CAPZB: variants seen among roughly 807,000 people sequenced by gnomAD.
CAPZB encodes the protein capping actin protein of muscle Z-line subunit beta, also known as F-actin-capping protein subunit beta.
Under a neutral mutation model 38.1 loss-of-function variants are expected in CAPZB, and 2 were observed. That is an observed-to-expected ratio of 0.05 (90% CI 0.02 to 0.17). CAPZB has a LOEUF of 0.17. Among genes scored for constraint, CAPZB ranks in the 10% least tolerant of loss-of-function variants. CAPZB has a pLI of 1.00. For synonymous variants in CAPZB, 107 were observed against 127.4 expected (o/e 0.84, Z 1.08); for missense variants, 161 against 334.2 (o/e 0.48, Z 4.04).
At chr1:19,407,461 T>C (rs1178910924) in intron 2 of CAPZB, among the ~76,000 whole-genome samples, 1 of 151,804 alleles carries the variant, frequency 6.6e-6, no homozygotes, top group Non-Finnish European at 1.5e-5. Flanking sequence ...GGGGGGAGAC[T>C]AGAGATGTAG....
chr1:19,474,029 T>C (rs1431169296), intron 1 of CAPZB, among the ~76,000 whole-genome samples: 4 of 151,904 alleles, frequency 2.6e-5, no homozygotes, highest in African/African-American at 7.2e-5. Flanking sequence ...AGGGTCTCAC[T>C]CCATCACCCA....
chr1:19,448,222 C>T (rs1210030942), intron 1 of CAPZB, among the ~76,000 whole-genome samples: 6 of 152,278 alleles, frequency 3.9e-5, no homozygotes. Flanking sequence ...CAAATACCCG[C>T]TTCTCTCCAG....
At chr1:19,360,250 G>A (rs1251586918) in intron 4 of CAPZB, among the ~76,000 whole-genome samples, 1 of 152,218 alleles carries the variant, frequency 6.6e-6, no homozygotes, top group Non-Finnish European at 1.5e-5. Context: ...GTTGGCAACA[G>A]ATGGCTTGGT....
intron 2 of CAPZB, among the ~76,000 whole-genome samples, chr1:19,406,208 TA>T (rs2094331247): frequency 6.6e-6 from 1 of 152,230 alleles, no homozygotes; most frequent in African/African-American, 2.4e-5. Context: ...AGGGCGGGAC[TA>T]TTCCTCCCCC....
intron 1 of CAPZB, among the ~76,000 whole-genome samples, chr1:19,435,246 G>A (rs1349775899): frequency 1.3e-5 from 2 of 152,148 alleles, no homozygotes; most frequent in Non-Finnish European, 2.9e-5. Flanking sequence ...TTGCCAACAA[G>A]ACATATTTCG....
chr1:19,344,288 T>C, intron 8 of CAPZB, 70 bp downstream of exon 8: 1 of 1,239,164 alleles, frequency 8.1e-7, no homozygotes, highest in Non-Finnish European at 1.2e-6. Flanking sequence ...ACCACACAGC[T>C]AGTAACTGGC....
intron 4 of CAPZB, among the ~76,000 whole-genome samples, chr1:19,378,172 T>G (rs963253767): frequency 6.6e-6 from 1 of 152,210 alleles, no homozygotes; most frequent in Non-Finnish European, 1.5e-5. Flanking sequence ...TTGTGAGGAT[T>G]TGAGATGCTA....
At chr1:19,465,310 G>A (rs181596052) in intron 1 of CAPZB, among the ~76,000 whole-genome samples, 24 of 152,258 alleles carry the variant, frequency 1.6e-4, no homozygotes, top group Non-Finnish European at 3.4e-4. Context: ...CAGGGGAGCT[G>A]GCCAGCCCCT....
At chr1:19,471,942 C>T (rs1220264650) in intron 1 of CAPZB, among the ~76,000 whole-genome samples, 2 of 149,562 alleles carry the variant, frequency 1.3e-5, no homozygotes, top group African/African-American at 2.5e-5. Flanking sequence ...ATGCATCTCA[C>T]AGATAGTATG....
At chr1:19,443,834 C>T (rs1351093806) in intron 1 of CAPZB, among the ~76,000 whole-genome samples, 5 of 152,290 alleles carry the variant, frequency 3.3e-5, no homozygotes, top group Middle Eastern at 3.4e-3. Context: ...GACTCAAAGC[C>T]TTCTGGGGCA....
At chr1:19,461,209 G>C (rs2094550855) in intron 1 of CAPZB, among the ~76,000 whole-genome samples, 1 of 152,180 alleles carries the variant, frequency 6.6e-6, no homozygotes, top group Non-Finnish European at 1.5e-5. Flanking sequence ...GAGGTGAAGG[G>C]ACTTGCACAA....
At position 19,471,849 on chromosome 1, in the gene CAPZB, A is replaced by G. The variant is rs528037440; in HGVS notation, c.3+13587T>C. ...CCACTGCACTCCAGCCTGGGAGACA[A>G]AGCGAGACTCCGTCTCAAAAAAAAA... On this transcript the variant is annotated intron_variant, in intron 1 of 8. Transcript: ENST00000264202. Among the ~76,000 whole-genome samples the G allele has an allele frequency of 8.3e-3, 1,196 of 143,318 alleles. 15 individuals are homozygous for G. Among genetic ancestry groups the G allele is most frequent in the Non-Finnish European group, 9.5e-3 (628 of 66,396 alleles). 94.0% of individuals were successfully genotyped at this position (143,318 alleles called of 152,430 possible).
At position 19,420,598 on chromosome 1, in the gene CAPZB, T is replaced by TG. The variant is rs1553282101; in HGVS notation, c.4-849_4-848insC. Among the ~76,000 whole-genome samples the TG allele has an allele frequency of 3.2e-4, 37 of 117,104 alleles. 1 individual carries two copies. The highest frequency in any genetic ancestry group is 4.7e-4 in the African/African-American group (13 of 27,562). The allele number at this position is 117,104 out of a possible 152,430, so 76.8% of individuals were successfully genotyped here. A position where few individuals can be genotyped will look rare whatever the true frequency, so the allele number is the denominator to read the frequency against. On this transcript the variant is annotated intron_variant, in intron 1 of 8. Transcript: ENST00000264202. ...CACCTGGCTAATTTTGTAGTTTTTT[T>TG]TGGGGGGGAGGGGGGGAACATGGGG...
intron 4 of CAPZB, among the ~76,000 whole-genome samples, chr1:19,369,874 C>T (rs771340446): frequency 3.3e-5 from 5 of 152,304 alleles, no homozygotes; most frequent in African/African-American, 7.2e-5. Flanking sequence ...CAGGCCTGGC[C>T]GTTTCCAGCG....
In CAPZB at chr1:19,344,382, G is replaced by A. The variant is rs2093949571; in HGVS notation, c.707C>T (p.Thr236Ile). The A allele has an allele frequency of 1.2e-6, 2 of 1,613,732 alleles. No individual in the cohort carries two copies. The highest frequency in any genetic ancestry group is 1.3e-5 in the African/African-American group (1 of 74,920). The change falls in exon 8 of 9, where the codon ACA (threonine) becomes ATA (isoleucine). Residue 236 changes from threonine to isoleucine, a missense_variant. Thr to Ile is a moderately conservative substitution (Grantham distance 89). Transcript: ENST00000264202. ...STLNEIYFGKTKDIVNGLRSV... is the reference protein window; with the variant it reads ...STLNEIYFGKIKDIVNGLRSV... ...CCTCAGCCCATTGACGATATCCTTTGTTTTTCCAAAGTAGATCTCGTTCAG... is the reference window on the plus strand; with the variant it reads ...CCTCAGCCCATTGACGATATCCTTTATTTTTCCAAAGTAGATCTCGTTCAG...
chr1:19,469,250 G>C (rs919796101), intron 1 of CAPZB, among the ~76,000 whole-genome samples: 13 of 152,180 alleles, frequency 8.5e-5, no homozygotes, highest in Non-Finnish European at 1.5e-4. Context: ...GGTGGCCAGA[G>C]GATTGTGGGT....
In CAPZB at chr1:19,344,498, T is replaced by C. The variant is rs2093950128; in HGVS notation, c.655-64A>G. ...GGAACCCTGAGGCCCACGCCCTCCC[T>C]CCACCTGCCAGCCCTGCAGTCCCCA... On this transcript the variant is annotated intron_variant, in intron 7 of 8. Transcript: ENST00000264202. 3.9e-6 allele frequency: 5 copies of C among 1,265,964 alleles called. No individual in the cohort carries two copies. In the South Asian group the frequency reaches 6.0e-5, roughly 15 times the overall value. The allele number at this position is 1,265,964 out of a possible 1,614,324, so 78.4% of individuals were successfully genotyped here.
At chr1:19,370,124 T>C (rs1223083480) in intron 4 of CAPZB, among the ~76,000 whole-genome samples, 3 of 152,206 alleles carry the variant, frequency 2.0e-5, no homozygotes, top group African/African-American at 7.2e-5. Context: ...CCCACAGGCC[T>C]GTGCGCCTCT....
chr1:19,408,323 C>T (rs2094342290), intron 2 of CAPZB, among the ~76,000 whole-genome samples: 1 of 152,248 alleles, frequency 6.6e-6, no homozygotes, highest in South Asian at 2.1e-4. Context: ...CTCACATCTG[C>T]AGTTTACACG....
Sources: gnomAD v4.1 joint callset for allele counts (sites outside exome capture counted in the v4.1 genomes callset) on GRCh38, gnomAD v4.1.1 for gene constraint, MANE v1.5 for transcripts, NCBI Gene and HGNC (gene_info 2026-07-23, HGNC 2026-07-21) for gene names.